Variants in ABL2 observed in about 807,000 individuals in gnomAD.
ABL2 encodes the protein ABL proto-oncogene 2, non-receptor tyrosine kinase, also known as tyrosine-protein kinase ABL2.
Under a neutral mutation model 107.7 loss-of-function variants are expected in ABL2, and 49 were observed. The ratio of observed to expected loss-of-function variants is 0.45; its 90% confidence interval spans 0.36 to 0.58. The LOEUF (loss-of-function observed/expected upper bound fraction) is 0.58. Ranked by LOEUF, ABL2 falls within the 20% of genes least tolerant of loss-of-function variation. The pLI, the probability that ABL2 is intolerant of heterozygous loss-of-function variation, is 0.00. For synonymous variants in ABL2, 549 were observed against 548.6 expected (o/e 1.00, Z -0.01); for missense variants, 1,245 against 1,457.0 (o/e 0.85, Z 2.37).
At chr1:179,110,982 T>A in intron 10 of ABL2, 4 of 46,956 alleles carry the variant, frequency 8.5e-5, no homozygotes, top group Non-Finnish European at 1.1e-4. Flanking sequence ...ATTTTTGGCT[T>A]TTTTTTTTTT....
chr1:179,193,731 GT>G (rs993355023), intron 1 of ABL2, among the ~76,000 whole-genome samples: 1 of 151,216 alleles, frequency 6.6e-6, no homozygotes, highest in Non-Finnish European at 1.5e-5. Context: ...GTTGTATTTT[GT>G]TTTTTTGGTT....
At position 179,185,242 on chromosome 1, in the gene ABL2, C is replaced by CG. The variant is rs1162905264; in HGVS notation, c.157+43998dup. On this transcript the variant is annotated intron_variant, in intron 1 of 11. Coordinates refer to ENST00000502732, the MANE Select transcript of ABL2 (RefSeq NM_007314.4). Reference sequence around the variant, plus strand: ...ATTTGAGATGTTTGGATGGGTTAAGCGGGCATTTTGACAACATGGCTTCTC... The same window carrying CG: ...ATTTGAGATGTTTGGATGGGTTAAGCGGGGCATTTTGACAACATGGCTTCTC... Among the ~76,000 whole-genome samples, 38 of 152,188 alleles carry CG rather than the reference C, an allele frequency of 2.5e-4. No individual in the cohort carries two copies. The East Asian group carries it at 6.7e-3, about 27-fold the overall frequency.
chr1:179,135,955 G>GC (rs1553221890), intron 1 of ABL2, among the ~76,000 whole-genome samples: 1 of 104,246 alleles, frequency 9.6e-6, no homozygotes, highest in Non-Finnish European at 2.3e-5. Flanking sequence ...CAGGAGGGAG[G>GC]TGGGGGGGGT....
chr1:179,180,030 T>C (rs1660280600), intron 1 of ABL2, among the ~76,000 whole-genome samples: 1 of 151,566 alleles, frequency 6.6e-6, no homozygotes, highest in Non-Finnish European at 1.5e-5. Context: ...GAGGATCACT[T>C]GAGCCTAGGG....
intron 1 of ABL2, among the ~76,000 whole-genome samples, chr1:179,198,992 C>A (rs1018360957): frequency 3.4e-4 from 52 of 151,892 alleles, no homozygotes; most frequent in African/African-American, 1.2e-3. Flanking sequence ...CAGGCACACA[C>A]CACCATGCCC....
At chr1:179,221,153 T>C in intron 1 of ABL2, 1 of 241,592 alleles carries the variant, frequency 4.1e-6, no homozygotes, top group Non-Finnish European at 8.6e-6. Flanking sequence ...AAAGTCTTGA[T>C]GGCGATATGA....
chr1:179,104,304 TA>T lies in ABL2; in HGVS notation c.*3413del, dbSNP rs945292767. 6 of 227,946 alleles carry T rather than the reference TA, an allele frequency of 2.6e-5. No individual in the cohort carries two copies. The highest frequency in any genetic ancestry group is 5.7e-5 in the Admixed American group (1 of 17,578). 14.1% of individuals were successfully genotyped at this position (227,946 alleles called of 1,614,324 possible). A position where few individuals can be genotyped will look rare whatever the true frequency, so the allele number is the denominator to read the frequency against. On this transcript the variant is annotated 3_prime_UTR_variant, in exon 12 of 12. Coordinates refer to ENST00000502732, the MANE Select transcript of ABL2 (RefSeq NM_007314.4). Reference sequence around the variant, plus strand: ...TGCCTTTTAGACTGGCATTAGAGCCTAAACACTAAACCACTATCTATACTGC... The same window carrying T: ...TGCCTTTTAGACTGGCATTAGAGCCTAACACTAAACCACTATCTATACTGC...
intron 1 of ABL2, among the ~76,000 whole-genome samples, chr1:179,192,564 G>C (rs1308143187): frequency 6.6e-6 from 1 of 152,072 alleles, no homozygotes; most frequent in African/African-American, 2.4e-5. Context: ...TCACCCATTT[G>C]TTGTACCTGT....
rs188285142 is a variant in ABL2, at chr1:179,173,736, G to T, written c.158-40362C>A. ...AATTATTTTAGGCAGAGAATCTACAGATCAAAAGAGACTTAAGATAACGGA... is the reference window on the plus strand; with the variant it reads ...AATTATTTTAGGCAGAGAATCTACATATCAAAAGAGACTTAAGATAACGGA... On this transcript the variant is annotated intron_variant, in intron 1 of 11. Coordinates refer to ENST00000502732, the MANE Select transcript of ABL2 (RefSeq NM_007314.4). Among the ~76,000 whole-genome samples, 508 of 152,210 alleles carry T rather than the reference G, an allele frequency of 3.3e-3. 4 individuals are homozygous for T. The highest frequency in any genetic ancestry group is 5.8e-3 in the Admixed American group (88 of 15,290).
At chr1:179,197,913 C>T (rs1661416408) in intron 1 of ABL2, among the ~76,000 whole-genome samples, 1 of 150,550 alleles carries the variant, frequency 6.6e-6, no homozygotes, top group Admixed American at 6.7e-5. Flanking sequence ...GTGGCTCACA[C>T]CTATAATCCT....
chr1:179,202,019 C>A, intron 1 of ABL2: 1 of 613,032 alleles, frequency 1.6e-6, no homozygotes, highest in Non-Finnish European at 2.2e-6. Context: ...AAGGGATGGA[C>A]ATCTTGTCAT....
At position 179,107,594 on chromosome 1, in the gene ABL2, G is replaced by C; in HGVS notation, c.*124C>G. On this transcript the variant is annotated 3_prime_UTR_variant, in exon 12 of 12. Coordinates refer to ENST00000502732, the MANE Select transcript of ABL2 (RefSeq NM_007314.4). ...TAAACGTGAGAACTCAGGGATCTGAGGTACTTCACATAAACACACTCAAGT... is the reference window on the plus strand; with the variant it reads ...TAAACGTGAGAACTCAGGGATCTGACGTACTTCACATAAACACACTCAAGT... 1 of 1,484,422 alleles carries C rather than the reference G, an allele frequency of 6.7e-7. No homozygotes were observed. The highest frequency in any genetic ancestry group is 8.9e-7 in the Non-Finnish European group (1 of 1,118,954). The allele number at this position is 1,484,422 out of a possible 1,614,324, so 92.0% of individuals were successfully genotyped here. A position where few individuals can be genotyped will look rare whatever the true frequency, so the allele number is the denominator to read the frequency against.
At chr1:179,134,197 T>A (rs985756445) in intron 1 of ABL2, among the ~76,000 whole-genome samples, 10 of 152,172 alleles carry the variant, frequency 6.6e-5, no homozygotes, top group Non-Finnish European at 1.3e-4. Context: ...CACAAACATA[T>A]AAGTGACAGG....
At position 179,108,489 on chromosome 1, in the gene ABL2, A is replaced by T. The variant is rs1399486195; in HGVS notation, c.2778T>A (p.Thr926=). ...TAAGGACTGGCACTTTGTGGTTGTG[A>T]GTGGTTGGGAGGACGGGGGCAGCCT... ...PAKAAPVLPT[T]HNHKVPVLIS... The change falls in exon 12 of 12, where the codon ACT becomes ACA. Residue 926 remains threonine (T), a synonymous_variant. Transcript: ENST00000502732. 6.2e-7 allele frequency: 1 copy of T among 1,614,014 alleles called. No homozygotes were observed.
At chr1:179,211,768 G>A (rs1056286597) in intron 1 of ABL2, among the ~76,000 whole-genome samples, 1 of 147,766 alleles carries the variant, frequency 6.8e-6, no homozygotes, top group Admixed American at 6.9e-5. Context: ...CACAGCCTGG[G>A]TGACAGAGCA....
chr1:179,190,037 G>A (rs887362928), intron 1 of ABL2, among the ~76,000 whole-genome samples: 3 of 151,710 alleles, frequency 2.0e-5, no homozygotes, highest in Admixed American at 6.6e-5. Flanking sequence ...GGCTGGTCTC[G>A]AACTCCTGAC....
At chr1:179,118,488 A>C in intron 7 of ABL2, 99 bp downstream of exon 7, 1 of 1,236,798 alleles carries the variant, frequency 8.1e-7, no homozygotes, top group South Asian at 1.4e-5. Context: ...TACTTTCTTG[A>C]ATCATCTGAA....
At chr1:179,117,215 G>T in intron 8 of ABL2, 117 bp downstream of exon 8, 1 of 1,043,970 alleles carries the variant, frequency 9.6e-7, no homozygotes, top group South Asian at 1.4e-5. Context: ...AATAACTGAA[G>T]AAGAATGGCA....
intron 1 of ABL2, among the ~76,000 whole-genome samples, chr1:179,185,458 T>G (rs1000417825): frequency 1.3e-5 from 2 of 152,152 alleles, no homozygotes; most frequent in African/African-American, 4.8e-5. Context: ...AAAAAAAATT[T>G]TTTTGTTTCA....
Sources: gnomAD v4.1 joint callset for allele counts (sites outside exome capture counted in the v4.1 genomes callset) on GRCh38, gnomAD v4.1.1 for gene constraint, MANE v1.5 for transcripts, NCBI Gene and HGNC (gene_info 2026-07-23, HGNC 2026-07-21) for gene names.